Variants in MUS81 observed in about 807,000 individuals in gnomAD.
MUS81 encodes the protein structure-specific endonuclease subunit MUS81.
Under a neutral mutation model 74.2 loss-of-function variants are expected in MUS81, and 69 were observed. That is an observed-to-expected ratio of 0.93 (90% CI 0.77 to 1.14). The LOEUF is 1.14. Ranked by LOEUF, MUS81 falls within the 50% of genes most tolerant of loss-of-function variation. MUS81 has a pLI of 0.00. For synonymous variants in MUS81, 303 were observed against 300.6 expected, an observed-to-expected ratio of 1.01 and a Z score of -0.08; for missense variants, 711 against 726.5, an observed-to-expected ratio of 0.98 and a Z score of 0.25.
At position 65,860,859 on chromosome 11, in the gene MUS81, A is replaced by T; in HGVS notation, c.106A>T (p.Arg36Trp). The T allele has an allele frequency of 2.6e-6, 4 of 1,549,040 alleles. No individual in the cohort carries two copies. Among genetic ancestry groups the T allele is most frequent in the Non-Finnish European group, 3.5e-6 (4 of 1,149,242 alleles). ...TEWRDEATRS[R>W]RRTRFVFQKA... ...GTGGCGGGACGAGGCGACCCGCAGCAGGCGCCGCACGCGCTTCGTATTTCA... is the reference window on the plus strand; with the variant it reads ...GTGGCGGGACGAGGCGACCCGCAGCTGGCGCCGCACGCGCTTCGTATTTCA... Residue 36 changes from arginine (R) to tryptophan (W), a missense_variant, in exon 1 of 16, where the codon AGG (arginine) becomes TGG (tryptophan). Transcript: ENST00000308110.
Position 65,865,861 on chromosome 11 carries a change from T to C in MUS81, c.1556T>C (p.Leu519Pro). The change falls in exon 15 of 16, where the codon CTG (leucine) becomes CCG (proline). Residue 519 changes from leucine (L) to proline (P), a missense_variant. By Grantham distance (98) the Leu-to-Pro change is moderately conservative. Transcript: ENST00000308110. Reference protein sequence around the residue: ...ACATPKEQETLLSTIKCGRLQ... With the variant: ...ACATPKEQETPLSTIKCGRLQ... ...GCCACCCCCAAGGAACAAGAGACACTGCTGAGCACCATTAAGTGTGGGCGT... is the reference window on the plus strand; with the variant it reads ...GCCACCCCCAAGGAACAAGAGACACCGCTGAGCACCATTAAGTGTGGGCGT... 3.7e-6 allele frequency: 6 copies of C among 1,614,090 alleles called. No individual in the cohort carries two copies. Among genetic ancestry groups the C allele is most frequent in the Non-Finnish European group, 5.1e-6 (6 of 1,180,004 alleles).
intron 12 of MUS81, 56 bp downstream of exon 12, chr11:65,864,871 G>C (rs1231732019): frequency 5.0e-6 from 8 of 1,586,008 alleles, no homozygotes; most frequent in Non-Finnish European, 6.0e-6. Flanking sequence ...AATTCACCTT[G>C]CCTGGGCCCT....
downstream of MUS81, chr11:65,867,401 C>T (rs1047249634): frequency 2.1e-6 from 1 of 482,190 alleles, no homozygotes. Context: ...AGCAGACTCC[C>T]TTCAGAGCAT....
At position 65,862,027 on chromosome 11, in the gene MUS81, G is replaced by A. The variant is rs369793544; in HGVS notation, c.432G>A (p.Val144=). ...CAGGAGCCCGAGTGATACTGCTGGT[G>A]CTCTACCGGGAGCACCTGGTGAGCA... ...RHSGARVILL[V]LYREHLNPNG... Residue 144 remains valine, a synonymous_variant, in exon 4 of 16, where the codon GTG becomes GTA. Transcript: ENST00000308110. 5 of 1,609,288 alleles carry A rather than the reference G, an allele frequency of 3.1e-6. No individual in the cohort carries two copies. The East Asian group carries it at 6.7e-5, about 22-fold the overall frequency.
upstream of MUS81, chr11:65,860,425 T>A: frequency 2.0e-6 from 1 of 512,104 alleles, no homozygotes; most frequent in Non-Finnish European, 3.7e-6. Context: ...CGCTCTCGAA[T>A]CTGGGGTGAC....
rs1221223758 is a variant in MUS81, at chr11:65,866,254, C to G, written c.*202C>G. 2 of 610,438 alleles carry G rather than the reference C, an allele frequency of 3.3e-6. No individual in the cohort carries two copies. Among genetic ancestry groups the G allele is most frequent in the African/African-American group, 3.7e-5 (2 of 54,002 alleles). 37.8% of individuals were successfully genotyped at this position (610,438 alleles called of 1,614,324 possible). On this transcript the variant is annotated 3_prime_UTR_variant, in exon 16 of 16. Transcript: ENST00000308110. Reference sequence around the variant, plus strand: ...CTGGTCCAGTGGTTTTTAAACAAAGCTGCTTAGCACCTGGAATTCCCTGGT... The same window carrying G: ...CTGGTCCAGTGGTTTTTAAACAAAGGTGCTTAGCACCTGGAATTCCCTGGT...
At chr11:65,861,573 G>A in intron 3 of MUS81, 138 bp downstream of exon 3, 1 of 676,772 alleles carries the variant, frequency 1.5e-6, no homozygotes, top group Non-Finnish European at 2.5e-6. Context: ...TCCTCTTTTC[G>A]ACTTAGTATT....
chr11:65,863,147 G>A lies in MUS81; in HGVS notation c.688G>A (p.Gly230Arg), dbSNP rs553992715. The A allele has an allele frequency of 8.1e-6, 13 of 1,614,072 alleles. No homozygotes were observed. Among genetic ancestry groups the A allele is most frequent in the South Asian group, 5.5e-5 (5 of 91,088 alleles). Reference sequence around the variant, plus strand: ...CCTGAGCTTGCTGAATGTGGGCATCGGGCCCAAGGAGCCCCCTGGGGAGGA... The same window carrying A: ...CCTGAGCTTGCTGAATGTGGGCATCAGGCCCAAGGAGCCCCCTGGGGAGGA... ...EGLSLLNVGI[G>R]PKEPPGEETA... The change falls in exon 7 of 16, where the codon GGG becomes AGG. Residue 230 changes from glycine (G) to arginine (R), a missense_variant. By Grantham distance (125) the Gly-to-Arg change is moderately radical. Transcript: ENST00000308110.
chr11:65,866,375 G>A lies in MUS81; in HGVS notation c.*323G>A, dbSNP rs1859837505. The A allele has an allele frequency of 1.6e-6, 1 of 626,062 alleles. No homozygotes were observed. The highest frequency in any genetic ancestry group is 1.8e-5 in the African/African-American group (1 of 54,150). 38.8% of individuals were successfully genotyped at this position (626,062 alleles called of 1,614,324 possible). The stretch of plus-strand genomic sequence containing the variant: ...TAAAATTTCCTTAGGAGTGCAGAGG[G>A]CTCATTGGGAAAATAAAAATAATAA... On this transcript the variant is annotated 3_prime_UTR_variant, in exon 16 of 16. Transcript: ENST00000308110.
chr11:65,859,951 C>T (rs534707568), upstream of MUS81: 184 of 212,808 alleles, frequency 8.6e-4, 1 homozygote, highest in African/African-American at 3.9e-3. Context: ...TCTCAGGCCT[C>T]CCCAACTGCC....
At chr11:65,865,380 C>T (rs1859790218) in intron 14 of MUS81, 57 bp downstream of exon 14, 5 of 1,512,966 alleles carry the variant, frequency 3.3e-6, no homozygotes, top group Middle Eastern at 1.9e-4. Flanking sequence ...GCATGGAATT[C>T]ACCTTAATCC....
intron 6 of MUS81, 119 bp from the exon 7 acceptor site, chr11:65,862,945 TG>T: frequency 2.3e-6 from 3 of 1,290,632 alleles, no homozygotes; most frequent in Non-Finnish European, 3.3e-6. Context: ...CAGGAGCCAC[TG>T]GGGTCATTTG....
At position 65,861,928 on chromosome 11, in the gene MUS81, ACTC is replaced by A. The variant is rs1859621881; in HGVS notation, c.352-15_352-13del. On this transcript the variant is annotated splice_polypyrimidine_tract_variant and intron_variant, in intron 3 of 15. Coordinates refer to ENST00000308110, the MANE Select transcript of MUS81 (RefSeq NM_025128.5). Reference sequence around the variant, plus strand: ...TGACTGGCTGGCTTTCATGTTCAGAACTCCTCTGTACCTTTCAGGTTCCTGCCC... The same window carrying A: ...TGACTGGCTGGCTTTCATGTTCAGAACTCTGTACCTTTCAGGTTCCTGCCC... 6.3e-7 allele frequency: 1 copy of A among 1,587,660 alleles called. No individual in the cohort carries two copies. Among genetic ancestry groups the A allele is most frequent in the Non-Finnish European group, 8.6e-7 (1 of 1,166,542 alleles).
rs767632887 is a variant in MUS81, at chr11:65,860,835, T to C, written c.82T>C (p.Trp28Arg). 2.6e-6 allele frequency: 4 copies of C among 1,544,350 alleles called. No homozygotes were observed. Among genetic ancestry groups the C allele is most frequent in the Non-Finnish European group, 3.5e-6 (4 of 1,147,122 alleles). Residue 28 changes from tryptophan (W) to arginine (R), a missense_variant, in exon 1 of 16, where the codon TGG becomes CGG. Trp to Arg is a moderately radical substitution (Grantham distance 101). Coordinates refer to ENST00000308110, the MANE Select transcript of MUS81 (RefSeq NM_025128.5). Reference sequence around the variant, plus strand: ...GCTCTTCGTTCGCTGGCTGACCGAGTGGCGGGACGAGGCGACCCGCAGCAG... The same window carrying C: ...GCTCTTCGTTCGCTGGCTGACCGAGCGGCGGGACGAGGCGACCCGCAGCAG... ...NPLFVRWLTE[W>R]RDEATRSRRR...
chr11:65,859,760 T>C (rs1859509540), upstream of MUS81, among the ~76,000 whole-genome samples: 1 of 152,254 alleles, frequency 6.6e-6, no homozygotes. Context: ...CCAACTCAGC[T>C]ATACGTGTCT....
intron 15 of MUS81, 26 bp downstream of exon 15, chr11:65,865,920 G>A (rs1859814355): frequency 6.2e-7 from 1 of 1,614,144 alleles, no homozygotes; most frequent in African/African-American, 1.3e-5. Context: ...GGAACCTGGA[G>A]GGAGTGGCAG....
In MUS81 at chr11:65,862,540, C is replaced by G; in HGVS notation, c.605+11C>G. ...ACACCAGCCAGCCAGGTGGGGCCAACTGCAGGAGATACAGGAGAGCATGAG... is the reference window on the plus strand; with the variant it reads ...ACACCAGCCAGCCAGGTGGGGCCAAGTGCAGGAGATACAGGAGAGCATGAG... On this transcript the variant is annotated intron_variant, in intron 6 of 15. Transcript: ENST00000308110. 6.2e-7 allele frequency: 1 copy of G among 1,612,638 alleles called. No homozygotes were observed. Among genetic ancestry groups the G allele is most frequent in the East Asian group, 2.2e-5 (1 of 44,878 alleles).
Position 65,860,654 on chromosome 11 carries a change from C to T in MUS81, c.-100C>T. ...GGTCCTGCCCTCGGTCTCCCTCTTC[C>T]CCCGCCCCGCCCTGGGCCAGGTGTT... is the stretch of plus-strand genomic sequence containing the variant. On this transcript the variant is annotated 5_prime_UTR_variant, in exon 1 of 16. Transcript: ENST00000308110. The T allele has an allele frequency of 1.3e-6, 2 of 1,501,780 alleles. No individual in the cohort carries two copies. The highest frequency in any genetic ancestry group is 1.8e-6 in the Non-Finnish European group (2 of 1,118,816). The allele number at this position is 1,501,780 out of a possible 1,614,324, so 93.0% of individuals were successfully genotyped here.
At position 65,866,165 on chromosome 11, in the gene MUS81, G is replaced by A. The variant is rs1591063689; in HGVS notation, c.*113G>A. The A allele has an allele frequency of 9.6e-7, 1 of 1,045,376 alleles. No homozygotes were observed. The highest frequency in any genetic ancestry group is 2.5e-5 in the East Asian group (1 of 39,790). The allele number at this position is 1,045,376 out of a possible 1,614,324, so 64.8% of individuals were successfully genotyped here. A position where few individuals can be genotyped will look rare whatever the true frequency, so the allele number is the denominator to read the frequency against. On this transcript the variant is annotated 3_prime_UTR_variant, in exon 16 of 16. Coordinates refer to ENST00000308110, the MANE Select transcript of MUS81 (RefSeq NM_025128.5). ...AGAATCTAAGTGTTTGCAGCCATATGTGTCATGTAGAAGATGCCTAGCCCT... is the reference window on the plus strand; with the variant it reads ...AGAATCTAAGTGTTTGCAGCCATATATGTCATGTAGAAGATGCCTAGCCCT...
Sources: allele counts gnomAD v4.1 joint callset (sites outside exome capture counted in the v4.1 genomes callset), GRCh38; gene constraint gnomAD v4.1.1; transcripts MANE v1.5; gene names NCBI Gene and HGNC (gene_info 2026-07-23, HGNC 2026-07-21).